RYR2: variants seen among roughly 807,000 people sequenced by gnomAD.
The protein encoded by RYR2 is ryanodine receptor 2.
Under a neutral mutation model 601.1 loss-of-function variants are expected in RYR2, and 227 were observed. The observed-to-expected ratio is 0.38, with a 90% CI of 0.34 to 0.42. The LOEUF is 0.42. RYR2 is among the 10% of genes least tolerant of loss of function. The probability of loss-of-function intolerance (pLI) is 1.00; values close to 1 mark genes in which losing one functional copy is unlikely to be tolerated. For missense variants in RYR2, 4,646 were observed against 6,156.5 expected (o/e 0.75, Z 8.21); for synonymous variants, 2,223 against 2,175.1 (o/e 1.02, Z -0.61).
intron 24 of RYR2, among the ~76,000 whole-genome samples, chr1:237,513,741 A>G (rs1020042342): frequency 6.6e-6 from 1 of 152,228 alleles, no homozygotes; most frequent in African/African-American, 2.4e-5. Context: ...GCAATAGGCT[A>G]TATCGTATAG....
chr1:237,586,699 T>A (rs894059224), intron 29 of RYR2, among the ~76,000 whole-genome samples: 1 of 152,136 alleles, frequency 6.6e-6, no homozygotes, highest in South Asian at 2.1e-4. Context: ...GATGGTACGC[T>A]ATTTCAGTAT....
intron 1 of RYR2, among the ~76,000 whole-genome samples, chr1:237,134,750 T>C (rs1672574813): frequency 6.6e-6 from 1 of 152,238 alleles, no homozygotes; most frequent in Non-Finnish European, 1.5e-5. Flanking sequence ...AAGGTCAAAA[T>C]ATTTGATTCT....
intron 1 of RYR2, among the ~76,000 whole-genome samples, chr1:237,111,444 C>G (rs182048692): frequency 6.6e-6 from 1 of 152,100 alleles, no homozygotes; most frequent in East Asian, 1.9e-4. Flanking sequence ...AAAAATTAGC[C>G]GGGCGCGGTG....
At chr1:237,763,949 T>C (rs1428263725) in intron 84 of RYR2, among the ~76,000 whole-genome samples, 1 of 152,202 alleles carries the variant, frequency 6.6e-6, no homozygotes, top group African/African-American at 2.4e-5. Context: ...TAGAAAAGGC[T>C]GAAAAAGCAA....
At chr1:237,767,219 G>A (rs897191094) in intron 84 of RYR2, among the ~76,000 whole-genome samples, 1 of 152,102 alleles carries the variant, frequency 6.6e-6, no homozygotes, top group African/African-American at 2.4e-5. Context: ...AAACAAGCAC[G>A]AGTTCACAAT....
intron 1 of RYR2, among the ~76,000 whole-genome samples, chr1:237,247,547 A>G (rs1686980912): frequency 6.6e-6 from 1 of 152,232 alleles, no homozygotes; most frequent in African/African-American, 2.4e-5. Flanking sequence ...CTCAGCTGCT[A>G]CAAGAGATTT....
In RYR2 at chr1:237,488,891, C is replaced by T. The variant is rs541515625; in HGVS notation, c.1709-2915C>T. ...CCTGTTGGTGGACTCTTCTCACGGA[C>T]GCGCGTGACAACCATTGCCTTGGGG... is the stretch of plus-strand genomic sequence containing the variant. On this transcript the variant is annotated intron_variant, in intron 17 of 104. Transcript: ENST00000366574. 1.1e-3 allele frequency among the ~76,000 whole-genome samples: 171 copies of T among 152,240 alleles called. 1 individual carries two copies. Among genetic ancestry groups the T allele is most frequent in the African/African-American group, 3.5e-3 (147 of 41,556 alleles).
chr1:237,380,362 A>G (rs1296921981), intron 8 of RYR2, among the ~76,000 whole-genome samples: 1 of 2,146 alleles, frequency 4.7e-4, no homozygotes, highest in Non-Finnish European at 9.4e-4. Flanking sequence ...ATACACAAAT[A>G]TATATATATA....
chr1:237,406,210 T>TCCTTTCCC (rs1703879268), intron 10 of RYR2, among the ~76,000 whole-genome samples: 8 of 33,954 alleles, frequency 2.4e-4, no homozygotes, highest in African/African-American at 7.4e-4. Flanking sequence ...CTCCCCTCCC[T>TCCTTTCCC]TCCCCTCCCC....
chr1:237,828,677 C>A (rs1663431499), intron 102 of RYR2, among the ~76,000 whole-genome samples: 1 of 152,192 alleles, frequency 6.6e-6, no homozygotes, highest in African/African-American at 2.4e-5. Context: ...CATCCTTTCC[C>A]TCCAGAAGTG....
chr1:237,785,416 T>G (rs747510017), intron 90 of RYR2, among the ~76,000 whole-genome samples: 5 of 152,228 alleles, frequency 3.3e-5, no homozygotes. Context: ...GAATATGGCA[T>G]ATTTTCCAAG....
intron 24 of RYR2, among the ~76,000 whole-genome samples, chr1:237,529,797 A>ACACACACACACC (rs1275409100): frequency 6.0e-5 from 9 of 149,850 alleles, no homozygotes; most frequent in South Asian, 2.1e-4. Flanking sequence ...ACACACACAC[A>ACACACACACACC]CCACGTATAT....
rs1256949758 is a variant in RYR2 at position 237,667,955 on chromosome 1, A to C, written c.8587A>C (p.Lys2863Gln). ...GAAAAAGAAAATGGAGTTGGAGTCC[A>C]AAGGTAATATTTTCTAAAAACGTTT... ...AKKKKMELES[K>Q]GGGNHPLLVP... The change falls in exon 58 of 105, where the codon AAA becomes CAA. Residue 2863 changes from lysine to glutamine, a missense_variant. Lys to Gln is a moderately conservative substitution (Grantham distance 53). This residue lies in a region of RYR2 where 1,497 missense variants were observed against 1,842.6 expected (regional missense o/e 0.81). Coordinates refer to ENST00000366574, the MANE Select transcript of RYR2 (RefSeq NM_001035.3). The C allele has an allele frequency of 1.9e-6, 3 of 1,564,774 alleles. No homozygotes were observed. The highest frequency in any genetic ancestry group is 2.7e-5 in the African/African-American group (2 of 73,476).
intron 73 of RYR2, 26 bp from the exon 74 acceptor site, chr1:237,723,102 T>G: frequency 6.3e-7 from 1 of 1,595,326 alleles, no homozygotes; most frequent in South Asian, 1.1e-5. Flanking sequence ...CATCTTCCCA[T>G]TGTAACCTTT....
chr1:237,410,967 T>C (rs1345950337), intron 10 of RYR2, among the ~76,000 whole-genome samples: 1 of 152,242 alleles, frequency 6.6e-6, no homozygotes, highest in East Asian at 1.9e-4. Context: ...TAGAATATTA[T>C]ACAACCTTTA....
chr1:237,232,400 G>A (rs1242165945), intron 1 of RYR2, among the ~76,000 whole-genome samples: 1 of 152,176 alleles, frequency 6.6e-6, no homozygotes, highest in Non-Finnish European at 1.5e-5. Context: ...TTTCTGTATG[G>A]CTGAACATGG....
intron 79 of RYR2, among the ~76,000 whole-genome samples, chr1:237,740,088 T>C (rs955539835): frequency 5.9e-5 from 9 of 152,236 alleles, no homozygotes; most frequent in Non-Finnish European, 1.3e-4. Context: ...AGCCAAATCC[T>C]GCTACAGGAC....
Position 237,348,698 on chromosome 1 carries a change from G to A in RYR2, c.274-7267G>A, listed in dbSNP as rs148938140. ...CAGTATCTGATGTGCAGTCAAACGT[G>A]TTATTAGGCATGTAAGGAGTCAGGA... On this transcript the variant is annotated intron_variant, in intron 3 of 104. Coordinates refer to ENST00000366574, the MANE Select transcript of RYR2 (RefSeq NM_001035.3). 3.9e-3 allele frequency among the ~76,000 whole-genome samples: 600 copies of A among 152,262 alleles called. 3 individuals are homozygous for A. The highest frequency in any genetic ancestry group is 0.014 in the African/African-American group (569 of 41,560).
intron 12 of RYR2, among the ~76,000 whole-genome samples, chr1:237,434,554 A>C (rs745740594): frequency 4.6e-5 from 7 of 152,190 alleles, no homozygotes; most frequent in Non-Finnish European, 8.8e-5. Context: ...TGTTTTAATC[A>C]TAAGGCAGGT....
Sources: allele counts gnomAD v4.1 joint callset (sites outside exome capture counted in the v4.1 genomes callset), GRCh38; gene constraint gnomAD v4.1.1; regional missense constraint gnomAD v4.1.1; transcripts MANE v1.5; gene names NCBI Gene and HGNC (gene_info 2026-07-23, HGNC 2026-07-21).